The following SORCS3 variants were observed in gnomAD, a reference collection of about 807,000 sequenced individuals.
SORCS3 encodes VPS10 domain-containing receptor SorCS3.
SORCS3 carries 57 observed loss-of-function variants against 146.3 expected under a neutral mutation model. The ratio of observed to expected loss-of-function variants is 0.39; its 90% CI spans 0.31 to 0.49. SORCS3 has a LOEUF of 0.49. SORCS3 is among the 20% of genes least tolerant of loss of function. The pLI is 0.92. For synonymous variants in SORCS3, 653 were observed against 618.5 expected, an observed-to-expected ratio of 1.06 and a Z score of -0.83; for missense variants, 1,341 against 1,575.5, an observed-to-expected ratio of 0.85 and a Z score of 2.52.
intron 1 of SORCS3, among the ~76,000 whole-genome samples, chr10:104,814,623 C>G (rs1337037222): frequency 6.6e-6 from 1 of 152,152 alleles, no homozygotes; most frequent in Non-Finnish European, 1.5e-5. Flanking sequence ...CTGACAGTAC[C>G]TCACGCTTTC....
rs1440027526 is a variant in SORCS3 at position 104,641,491 on chromosome 10, C to CGTT, written c.167_169dup (p.Leu56dup). 3 of 1,471,114 alleles carry CGTT rather than the reference C, an allele frequency of 2.0e-6. No homozygotes were observed. The African/African-American group carries it at 4.4e-5, about 22-fold the overall frequency. The allele number at this position is 1,471,114 out of a possible 1,614,324, so 91.1% of individuals were successfully genotyped here. On this transcript the variant is annotated inframe_insertion, in exon 1 of 27. Transcript: ENST00000369701. This position sits in a 1 kb window ranked among gnomAD's most constrained non-coding sequence, Gnocchi z 6.4. ...GCGGCCCCGGCTTCGCGGCCACCGGCGTTGTCTCCACTCTCGCCGCGGGCA... is the reference window on the plus strand; with the variant it reads ...GCGGCCCCGGCTTCGCGGCCACCGGCGTTGTTGTCTCCACTCTCGCCGCGGGCA...
chr10:105,230,073 AC>A (rs879587842), intron 20 of SORCS3, among the ~76,000 whole-genome samples: 1 of 151,972 alleles, frequency 6.6e-6, no homozygotes, highest in Non-Finnish European at 1.5e-5. Context: ...AGGATGGTGG[AC>A]CCAACCTGGT....
At chr10:104,744,539 T>A (rs540182118) in intron 1 of SORCS3, among the ~76,000 whole-genome samples, 1 of 152,334 alleles carries the variant, frequency 6.6e-6, no homozygotes, top group South Asian at 2.1e-4. Flanking sequence ...ACTGTTACAA[T>A]GAAGGATCTA....
At chr10:105,253,612 T>G (rs1424974825) in intron 23 of SORCS3, among the ~76,000 whole-genome samples, 1 of 152,144 alleles carries the variant, frequency 6.6e-6, no homozygotes, top group Non-Finnish European at 1.5e-5. Context: ...TGATGCTAAG[T>G]CAGGTGCAAT....
At chr10:104,649,588 G>C (rs950000605) in intron 1 of SORCS3, among the ~76,000 whole-genome samples, 5 of 152,172 alleles carry the variant, frequency 3.3e-5, no homozygotes, top group Admixed American at 1.3e-4. Context: ...TTCTCATCAA[G>C]ATGCTCATTT....
At chr10:105,232,917 T>A (rs1379475760) in intron 20 of SORCS3, among the ~76,000 whole-genome samples, 1 of 152,132 alleles carries the variant, frequency 6.6e-6, no homozygotes, top group Non-Finnish European at 1.5e-5. Flanking sequence ...TTCATATTTG[T>A]TAAAGTGTGT....
chr10:105,044,303 AAGGCT>A (rs1411294372), intron 5 of SORCS3, among the ~76,000 whole-genome samples: 1 of 152,112 alleles, frequency 6.6e-6, no homozygotes, highest in Admixed American at 6.6e-5. Context: ...TCAGGAGTTC[AAGGCT>A]GCAGTGTACT....
intron 7 of SORCS3, among the ~76,000 whole-genome samples, chr10:105,127,763 A>C (rs11192326): frequency 0.48 from 73,646 of 152,036 alleles, 18,384 homozygotes; most frequent in Non-Finnish European, 0.54. Context: ...AAGCCACAAA[A>C]AAAGAGCCCT....
In SORCS3 at chr10:104,840,563, A is replaced by T. The variant is rs1041756689; in HGVS notation, c.628-2229A>T. 3.3e-5 allele frequency among the ~76,000 whole-genome samples: 5 copies of T among 152,178 alleles called. No homozygotes were observed. The East Asian group carries it at 5.8e-4, about 18-fold the overall frequency. ...TGGATCTTTTATTTCTGTATCCCCCATGTATAGCCCAGTGGCCAGAATATC... is the reference window on the plus strand; with the variant it reads ...TGGATCTTTTATTTCTGTATCCCCCTTGTATAGCCCAGTGGCCAGAATATC... On this transcript the variant is annotated intron_variant, in intron 1 of 26. Coordinates refer to ENST00000369701, the MANE Select transcript of SORCS3 (RefSeq NM_014978.3).
At chr10:105,094,890 A>G (rs1463765285) in intron 6 of SORCS3, among the ~76,000 whole-genome samples, 2 of 152,164 alleles carry the variant, frequency 1.3e-5, no homozygotes. Flanking sequence ...GAATGAATGG[A>G]GATAGGTTGG....
At chr10:105,220,939 G>A (rs943354807) in intron 19 of SORCS3, among the ~76,000 whole-genome samples, 2 of 152,066 alleles carry the variant, frequency 1.3e-5, no homozygotes, top group African/African-American at 2.4e-5. Flanking sequence ...TCAACCAGAC[G>A]TGTATCTGAA....
intron 3 of SORCS3, among the ~76,000 whole-genome samples, chr10:104,976,659 C>A (rs1177668414): frequency 1.3e-5 from 2 of 152,172 alleles, no homozygotes; most frequent in Admixed American, 1.3e-4. Context: ...TTGGAACCAA[C>A]CCAAATGTCC....
chr10:105,138,701 A>G (rs370669863), intron 7 of SORCS3, among the ~76,000 whole-genome samples: 1 of 152,184 alleles, frequency 6.6e-6, no homozygotes, highest in Non-Finnish European at 1.5e-5. Context: ...TCCTCCCATT[A>G]AGAATCTATC....
chr10:105,225,588 TTCAAATCACTTTA>T (rs948195968), intron 20 of SORCS3, among the ~76,000 whole-genome samples: 2 of 152,032 alleles, frequency 1.3e-5, no homozygotes, highest in Non-Finnish European at 2.9e-5. Context: ...CATATATACT[TTCAAATCACTTTA>T]TCAATGTCTA....
chr10:104,980,137 C>A (rs2054924079), intron 4 of SORCS3, among the ~76,000 whole-genome samples: 1 of 152,210 alleles, frequency 6.6e-6, no homozygotes. Flanking sequence ...TGCTCTTTCA[C>A]TTGCTAAAAA....
At chr10:104,788,319 A>G (rs887545744) in intron 1 of SORCS3, among the ~76,000 whole-genome samples, 1 of 152,242 alleles carries the variant, frequency 6.6e-6, no homozygotes, top group African/African-American at 2.4e-5. Flanking sequence ...GTTATGGTGC[A>G]TTTATAGAAT....
At chr10:105,229,640 T>G (rs2056755714) in intron 20 of SORCS3, among the ~76,000 whole-genome samples, 1 of 152,210 alleles carries the variant, frequency 6.6e-6, no homozygotes, top group Admixed American at 6.5e-5. Flanking sequence ...GTGGCAGCTG[T>G]GATTCCCTTG....
chr10:104,718,533 G>A (rs1244176414), intron 1 of SORCS3, among the ~76,000 whole-genome samples: 4 of 152,160 alleles, frequency 2.6e-5, no homozygotes, highest in Non-Finnish European at 5.9e-5. Context: ...GTAGAAGAAA[G>A]GTTTGTGTAG....
intron 5 of SORCS3, among the ~76,000 whole-genome samples, chr10:105,054,854 A>G (rs1398857849): frequency 6.6e-6 from 1 of 152,162 alleles, no homozygotes; most frequent in Non-Finnish European, 1.5e-5. Flanking sequence ...ATACAACCAA[A>G]TAAAACCAAA....
Sources: allele counts gnomAD v4.1 joint callset (sites outside exome capture counted in the v4.1 genomes callset), GRCh38; gene constraint gnomAD v4.1.1; non-coding constraint Gnocchi (gnomAD v3.1); transcripts MANE v1.5; gene names NCBI Gene and HGNC (gene_info 2026-07-23, HGNC 2026-07-21).